The following KCNQ1 variants were observed in gnomAD, a reference collection of about 807,000 sequenced individuals.
KCNQ1 encodes the protein potassium voltage-gated channel subfamily KQT member 1.
A neutral mutation model predicts 72.4 loss-of-function variants in KCNQ1; 49 were observed. The observed-to-expected ratio is 0.68, with a 90% CI of 0.54 to 0.86. KCNQ1 has a LOEUF of 0.86. Ranked by LOEUF, KCNQ1 falls within the 40% of genes least tolerant of loss-of-function variation. The pLI is 0.00. For missense variants in KCNQ1, 790 were observed against 945.1 expected, an observed-to-expected ratio of 0.84 and a Z score of 2.15; for synonymous variants, 450 against 412.6, an observed-to-expected ratio of 1.09 and a Z score of -1.10.
In KCNQ1 at chr11:2,537,727, T is replaced by A. The variant is rs191862866; in HGVS notation, c.477+9709T>A. On this transcript the variant is annotated intron_variant, in intron 2 of 15. Coordinates refer to ENST00000155840, the MANE Select transcript of KCNQ1 (RefSeq NM_000218.3). The surrounding 1 kb of genome is among the most constrained non-coding windows in gnomAD (Gnocchi z 5.2). ...TTTGTTGTTGGTTTTTTATTTTTAT[T>A]TTTTTGAGAGAGAGAGGGTCTTGCT... Among the ~76,000 whole-genome samples, 1 of 150,930 alleles carries A rather than the reference T, an allele frequency of 6.6e-6. No individual in the cohort carries two copies. The highest frequency in any genetic ancestry group is 2.5e-5 in the African/African-American group (1 of 40,292).
chr11:2,642,047 G>A lies in KCNQ1; in HGVS notation c.1394-19914G>A. 2.5e-6 allele frequency: 1 copy of A among 398,344 alleles called. No individual in the cohort carries two copies. The highest frequency in any genetic ancestry group is 1.3e-4 in the South Asian group (1 of 7,846). 24.7% of individuals were successfully genotyped at this position (398,344 alleles called of 1,614,324 possible). A position where few individuals can be genotyped will look rare whatever the true frequency, so the allele number is the denominator to read the frequency against. ...GCTATAGCCTTATATTTTTAAATCA[G>A]GCAGTGTGATGCATCCAACTTTGTT... On this transcript the variant is annotated intron_variant, in intron 10 of 15. Transcript: ENST00000155840. The surrounding 1 kb of genome is among the most constrained non-coding windows in gnomAD (Gnocchi z 4.3).
At chr11:2,576,793 G>A (rs1848429482) in intron 6 of KCNQ1, among the ~76,000 whole-genome samples, 1 of 152,254 alleles carries the variant, frequency 6.6e-6, no homozygotes. Flanking sequence ...CCCAGCGGGA[G>A]GGGTGGTGTC....
At chr11:2,743,257 G>T (rs1421878179) in intron 11 of KCNQ1, among the ~76,000 whole-genome samples, 4 of 152,024 alleles carry the variant, frequency 2.6e-5, no homozygotes, top group African/African-American at 9.7e-5. Context: ...GACTCCGAGG[G>T]TCTTCAAGGC....
At chr11:2,519,885 C>T (rs961810865) in intron 1 of KCNQ1, among the ~76,000 whole-genome samples, 1 of 152,116 alleles carries the variant, frequency 6.6e-6, no homozygotes, top group Admixed American at 6.5e-5. Flanking sequence ...ATTGCATTAT[C>T]CAGGGGGCCC....
In KCNQ1 at chr11:2,544,356, G is replaced by GTGTATATATATA. The variant is rs1245983311; in HGVS notation, c.477+16349_477+16350insATGTATATATAT. On this transcript the variant is annotated intron_variant, in intron 2 of 15. Transcript: ENST00000155840. This position sits in a 1 kb window ranked among gnomAD's most constrained non-coding sequence, Gnocchi z 4.4. ...TATGTGTATGTATATGTATATATAT[G>GTGTATATATATA]TGTATATATATGTGTATATATATGT... 2.1e-5 allele frequency among the ~76,000 whole-genome samples: 3 copies of GTGTATATATATA among 143,952 alleles called. No individual in the cohort carries two copies. Among genetic ancestry groups the GTGTATATATATA allele is most frequent in the African/African-American group, 8.0e-5 (3 of 37,318 alleles). The allele number at this position is 143,952 out of a possible 152,430, so 94.4% of individuals were successfully genotyped here. A position where few individuals can be genotyped will look rare whatever the true frequency, so the allele number is the denominator to read the frequency against.
Position 2,654,124 on chromosome 11 carries a change from G to A in KCNQ1, c.1394-7837G>A, listed in dbSNP as rs533744207. On this transcript the variant is annotated intron_variant, in intron 10 of 15. Transcript: ENST00000155840. The surrounding 1 kb of genome is among the most constrained non-coding windows in gnomAD (Gnocchi z 6.4). ...TCTGAGTGGAGACACAGGTGGTGGCGGGGCCACTCTGGCTCAGGGTCTATG... is the reference window on the plus strand; with the variant it reads ...TCTGAGTGGAGACACAGGTGGTGGCAGGGCCACTCTGGCTCAGGGTCTATG... The A allele has an allele frequency of 1.1e-4, 43 of 398,708 alleles. 1 individual carries two copies. In the East Asian group the frequency reaches 1.4e-3, roughly 13 times the overall value. The allele number at this position is 398,708 out of a possible 1,614,324, so 24.7% of individuals were successfully genotyped here.
intron 10 of KCNQ1, among the ~76,000 whole-genome samples, chr11:2,596,051 A>G (rs1848728933): frequency 6.6e-6 from 1 of 152,238 alleles, no homozygotes; most frequent in Non-Finnish European, 1.5e-5. Context: ...CAAGAGAACT[A>G]GAATTAGAAG....
In KCNQ1 at chr11:2,598,284, T is replaced by C. The variant is rs1289067312; in HGVS notation, c.1393+9430T>C. ...TAGTTTTAATTTTGTGTTTTGATTT[T>C]TCTCTTTAGAGTTCTTTTAATGTCT... is the stretch of plus-strand genomic sequence containing the variant. On this transcript the variant is annotated intron_variant, in intron 10 of 15. Transcript: ENST00000155840. The surrounding 1 kb of genome is among the most constrained non-coding windows in gnomAD (Gnocchi z 6.2). Among the ~76,000 whole-genome samples, 1 of 152,196 alleles carries C rather than the reference T, an allele frequency of 6.6e-6. No homozygotes were observed. Among genetic ancestry groups the C allele is most frequent in the Non-Finnish European group, 1.5e-5 (1 of 68,036 alleles).
chr11:2,699,950 G>C lies in KCNQ1; in HGVS notation c.1514+37869G>C, dbSNP rs759266319. The stretch of plus-strand genomic sequence containing the variant: ...GGGCGCCCTGGCAGGATCTTGCTGA[G>C]GAGCTCCCTGGAGGTCCGTGCTGAG... On this transcript the variant is annotated intron_variant, in intron 11 of 15. Coordinates refer to ENST00000155840, the MANE Select transcript of KCNQ1 (RefSeq NM_000218.3). 6.5e-5 allele frequency: 26 copies of C among 398,288 alleles called. 1 individual carries two copies. Among genetic ancestry groups the C allele is most frequent in the Non-Finnish European group, 6.2e-5 (14 of 225,904 alleles). 24.7% of individuals were successfully genotyped at this position (398,288 alleles called of 1,614,324 possible). A position where few individuals can be genotyped will look rare whatever the true frequency, so the allele number is the denominator to read the frequency against.
intron 10 of KCNQ1, chr11:2,629,035 CTT>C (rs1321444943): frequency 7.5e-6 from 3 of 398,036 alleles, no homozygotes; most frequent in African/African-American, 6.2e-5. Context: ...ATATCTTTCA[CTT>C]TGTTCTTATT....
intron 2 of KCNQ1, among the ~76,000 whole-genome samples, chr11:2,534,067 C>T (rs565118403): frequency 5.5e-4 from 83 of 152,260 alleles, no homozygotes; most frequent in South Asian, 5.4e-3. Flanking sequence ...TGGGTTTCTG[C>T]TGCGCCTTCA....
At chr11:2,700,334 G>A (rs919578627) in intron 11 of KCNQ1, among the ~76,000 whole-genome samples, 1 of 152,132 alleles carries the variant, frequency 6.6e-6, no homozygotes, top group Non-Finnish European at 1.5e-5. Flanking sequence ...TCGCCGGGGT[G>A]AGCTGGAGAC....
chr11:2,455,289 G>A (rs1047994603), intron 1 of KCNQ1, among the ~76,000 whole-genome samples: 5 of 151,874 alleles, frequency 3.3e-5, no homozygotes, highest in South Asian at 2.1e-4. Context: ...TAGTAGAGAC[G>A]GGGTTTCACC....
chr11:2,520,358 C>T (rs774958016), intron 1 of KCNQ1, among the ~76,000 whole-genome samples: 11 of 152,308 alleles, frequency 7.2e-5, no homozygotes, highest in South Asian at 4.1e-4. Flanking sequence ...GTGGGGCCCT[C>T]GGTGTGGGCC....
chr11:2,664,479 C>T lies in KCNQ1; in HGVS notation c.1514+2398C>T. 7.5e-6 allele frequency: 3 copies of T among 398,784 alleles called. No individual in the cohort carries two copies. Among genetic ancestry groups the T allele is most frequent in the Non-Finnish European group, 4.4e-6 (1 of 226,168 alleles). 24.7% of individuals were successfully genotyped at this position (398,784 alleles called of 1,614,324 possible). ...AGGCTGGGTAGAGGCCCCACTCCAT[C>T]TGGGGGAGAAGGCTGGCAGCAGTGG... is the stretch of plus-strand genomic sequence containing the variant. On this transcript the variant is annotated intron_variant, in intron 11 of 15. Transcript: ENST00000155840. The surrounding 1 kb of genome is among the most constrained non-coding windows in gnomAD (Gnocchi z 5.1).
rs1489364083 is a variant in KCNQ1, at chr11:2,624,515, T to C, written c.1393+35661T>C. On this transcript the variant is annotated intron_variant, in intron 10 of 15. Coordinates refer to ENST00000155840, the MANE Select transcript of KCNQ1 (RefSeq NM_000218.3). This position sits in a 1 kb window ranked among gnomAD's most constrained non-coding sequence, Gnocchi z 4.9. ...CAAACTAAAGATCATCTAGATTTCTTCCTATGTTATCTTCTGGGATTTCTA... is the reference window on the plus strand; with the variant it reads ...CAAACTAAAGATCATCTAGATTTCTCCCTATGTTATCTTCTGGGATTTCTA... 2.5e-6 allele frequency: 1 copy of C among 398,382 alleles called. No individual in the cohort carries two copies. Among genetic ancestry groups the C allele is most frequent in the Non-Finnish European group, 4.4e-6 (1 of 226,024 alleles). 24.7% of individuals were successfully genotyped at this position (398,382 alleles called of 1,614,324 possible). A position where few individuals can be genotyped will look rare whatever the true frequency, so the allele number is the denominator to read the frequency against.
At position 2,683,247 on chromosome 11, in the gene KCNQ1, C is replaced by A. The variant is rs547400957; in HGVS notation, c.1514+21166C>A. On this transcript the variant is annotated intron_variant, in intron 11 of 15. Transcript: ENST00000155840. The surrounding 1 kb of genome is among the most constrained non-coding windows in gnomAD (Gnocchi z 4.7). ...TGAGATACAGAGCAGGAGTCCATGG[C>A]ACCTCCAGAACCTGTCAGCCTGAGT... is the stretch of plus-strand genomic sequence containing the variant. The A allele has an allele frequency of 2.5e-6, 1 of 398,612 alleles. No individual in the cohort carries two copies. The highest frequency in any genetic ancestry group is 3.6e-5 in the East Asian group (1 of 28,074). The allele number at this position is 398,612 out of a possible 1,614,324, so 24.7% of individuals were successfully genotyped here.
intron 2 of KCNQ1, among the ~76,000 whole-genome samples, chr11:2,558,236 A>G (rs1254652110): frequency 6.6e-6 from 1 of 152,232 alleles, no homozygotes; most frequent in African/African-American, 2.4e-5. Flanking sequence ...CAGTGCCCAC[A>G]TCGCTTGCTG....
rs1175859165 is a variant in KCNQ1, at chr11:2,475,906, C to T, written c.386+30422C>T. On this transcript the variant is annotated intron_variant, in intron 1 of 15. Coordinates refer to ENST00000155840, the MANE Select transcript of KCNQ1 (RefSeq NM_000218.3). This position sits in a 1 kb window ranked among gnomAD's most constrained non-coding sequence, Gnocchi z 5.8. Reference sequence around the variant, plus strand: ...CGCCATGATTGTGAGGCTTCCCCAGCCACATGGAACTGTAAGTCCAATTAA... The same window carrying T: ...CGCCATGATTGTGAGGCTTCCCCAGTCACATGGAACTGTAAGTCCAATTAA... 6.6e-6 allele frequency among the ~76,000 whole-genome samples: 1 copy of T among 152,236 alleles called. No homozygotes were observed. Among genetic ancestry groups the T allele is most frequent in the Non-Finnish European group, 1.5e-5 (1 of 68,042 alleles).
Sources: allele counts gnomAD v4.1 joint callset (sites outside exome capture counted in the v4.1 genomes callset), GRCh38; gene constraint gnomAD v4.1.1; non-coding constraint Gnocchi (gnomAD v3.1); transcripts MANE v1.5; gene names NCBI Gene and HGNC (gene_info 2026-07-23, HGNC 2026-07-21).